The following GPALPP1 variants were observed in gnomAD, a reference collection of about 807,000 sequenced individuals.
GPALPP1 encodes GPALPP motifs-containing protein 1.
A neutral mutation model predicts 38.9 loss-of-function variants in GPALPP1; 30 were observed. The ratio of observed to expected loss-of-function variants is 0.77; its 90% CI spans 0.58 to 1.05. The LOEUF (loss-of-function observed/expected upper bound fraction) is 1.05. Among genes scored for constraint, GPALPP1 ranks in the 50% least tolerant of loss-of-function variants. The pLI, the probability that GPALPP1 is intolerant of heterozygous loss-of-function variation, is 0.00. For synonymous variants in GPALPP1, 120 were observed against 139.2 expected, an observed-to-expected ratio of 0.86 and a Z score of 0.97; for missense variants, 384 against 408.8, an observed-to-expected ratio of 0.94 and a Z score of 0.52.
At chr13:45,020,492 T>C (rs1302011973) in intron 7 of GPALPP1, 64 bp downstream of exon 7, 3 of 741,814 alleles carry the variant, frequency 4.0e-6, no homozygotes, top group African/African-American at 3.6e-5. Context: ...TCCCAGCTAC[T>C]TGGGAGGCTG....
chr13:44,992,248 A>G (rs1872856412), intron 1 of GPALPP1, among the ~76,000 whole-genome samples: 1 of 152,176 alleles, frequency 6.6e-6, no homozygotes, highest in Admixed American at 6.5e-5. Context: ...AATGAAATTG[A>G]CCACCTTTTC....
intron 6 of GPALPP1, among the ~76,000 whole-genome samples, chr13:45,019,596 C>A: frequency 6.8e-6 from 1 of 147,932 alleles, no homozygotes; most frequent in Non-Finnish European, 1.5e-5. Flanking sequence ...TGAATAAACA[C>A]AATTTTTCTT....
chr13:45,015,885 A>T (rs1353054936), intron 6 of GPALPP1, among the ~76,000 whole-genome samples: 1 of 152,154 alleles, frequency 6.6e-6, no homozygotes, highest in African/African-American at 2.4e-5. Context: ...TATGAGGTCA[A>T]CGTTTCTAGG....
At chr13:44,995,394 T>C (rs1331469184) in intron 1 of GPALPP1, among the ~76,000 whole-genome samples, 1 of 152,022 alleles carries the variant, frequency 6.6e-6, no homozygotes, top group Admixed American at 6.5e-5. Flanking sequence ...TTCCCACCCA[T>C]GGGGTGAAGG....
chr13:45,019,101 A>ATATGTATATATTTATATT (rs1246248311), intron 6 of GPALPP1, among the ~76,000 whole-genome samples: 1 of 133,272 alleles, frequency 7.5e-6, no homozygotes, highest in Non-Finnish European at 1.5e-5. Flanking sequence ...ATATATATTT[A>ATATGTATATATTTATATT]TATATATTTA....
rs1333690492 is a variant in GPALPP1, at chr13:45,025,703, A to T, written c.805-2082A>T. On this transcript the variant is annotated intron_variant, in intron 7 of 7. Coordinates refer to ENST00000379151, the MANE Select transcript of GPALPP1 (RefSeq NM_018559.5). ...CAGTGTTGAAAGCAGCAGGACCATC[A>T]TTGCAATGCAGATTTTTCTGAATTT... 2.0e-5 allele frequency among the ~76,000 whole-genome samples: 3 copies of T among 152,008 alleles called. No individual in the cohort carries two copies. In the East Asian group the frequency reaches 5.8e-4, roughly 29 times the overall value.
chr13:44,989,645 G>A lies in GPALPP1; in HGVS notation c.-10G>A. ...AGACTCATATCTGTGACCAGTGTCC[G>A]CCACCGCGGATGGCAAGAGACCTGA... On this transcript the variant is annotated 5_prime_UTR_variant, in exon 1 of 8. Coordinates refer to ENST00000379151, the MANE Select transcript of GPALPP1 (RefSeq NM_018559.5). 6.2e-7 allele frequency: 1 copy of A among 1,609,736 alleles called. No homozygotes were observed. Among genetic ancestry groups the A allele is most frequent in the Non-Finnish European group, 8.5e-7 (1 of 1,176,968 alleles).
In GPALPP1 at chr13:45,028,216, G is replaced by T; in HGVS notation, c.*213G>T. On this transcript the variant is annotated 3_prime_UTR_variant, in exon 8 of 8. Coordinates refer to ENST00000379151, the MANE Select transcript of GPALPP1 (RefSeq NM_018559.5). ...AAAAATCCCTCATAATAACCTAATAGGGCATTGCTATTAAAAATGCTAAAA... is the reference window on the plus strand; with the variant it reads ...AAAAATCCCTCATAATAACCTAATATGGCATTGCTATTAAAAATGCTAAAA... 3.6e-6 allele frequency: 1 copy of T among 279,878 alleles called. No individual in the cohort carries two copies. 17.3% of individuals were successfully genotyped at this position (279,878 alleles called of 1,614,324 possible). A position where few individuals can be genotyped will look rare whatever the true frequency, so the allele number is the denominator to read the frequency against.
intron 1 of GPALPP1, among the ~76,000 whole-genome samples, chr13:44,992,954 C>T (rs898114651): frequency 6.6e-6 from 1 of 152,148 alleles, no homozygotes; most frequent in South Asian, 2.1e-4. Context: ...CCCCATTCTC[C>T]CCTCTGACCC....
At chr13:44,989,889 A>C in intron 1 of GPALPP1, 147 bp downstream of exon 1, 2 of 616,572 alleles carry the variant, frequency 3.2e-6, no homozygotes, top group Non-Finnish European at 5.7e-6. Context: ...CTCTTCCCAA[A>C]CAGTAGCAGG....
In GPALPP1 at chr13:45,028,654, GC is replaced by G. The variant is rs1876012039; in HGVS notation, c.*652del. 6.6e-6 allele frequency: 1 copy of G among 152,388 alleles called. No homozygotes were observed. Among genetic ancestry groups the G allele is most frequent in the Non-Finnish European group, 1.5e-5 (1 of 68,282 alleles). 9.4% of individuals were successfully genotyped at this position (152,388 alleles called of 1,614,324 possible). A position where few individuals can be genotyped will look rare whatever the true frequency, so the allele number is the denominator to read the frequency against. ...ACCTATAGTCCCAGCTACTCAGCAG[GC>G]TGAGGTGGGAGGATCCCTTGAGCCC... On this transcript the variant is annotated 3_prime_UTR_variant, in exon 8 of 8. Coordinates refer to ENST00000379151, the MANE Select transcript of GPALPP1 (RefSeq NM_018559.5).
chr13:45,017,169 A>G (rs1466470858), intron 6 of GPALPP1, among the ~76,000 whole-genome samples: 1 of 152,250 alleles, frequency 6.6e-6, no homozygotes, highest in African/African-American at 2.4e-5. Flanking sequence ...TTCAGGTGAT[A>G]GAAAGAGTCA....
chr13:45,008,252 G>A (rs1490224720), intron 3 of GPALPP1, among the ~76,000 whole-genome samples: 1 of 152,138 alleles, frequency 6.6e-6, no homozygotes, highest in Non-Finnish European at 1.5e-5. Flanking sequence ...CATTACTGAG[G>A]ACAATGTATA....
intron 3 of GPALPP1, among the ~76,000 whole-genome samples, chr13:45,007,368 C>T (rs1304171504): frequency 6.6e-6 from 1 of 151,932 alleles, no homozygotes; most frequent in Non-Finnish European, 1.5e-5. Context: ...GAGTTAGAAA[C>T]CTTTTATAGT....
intron 6 of GPALPP1, among the ~76,000 whole-genome samples, chr13:45,016,711 G>T (rs1874900345): frequency 6.6e-6 from 1 of 152,162 alleles, no homozygotes; most frequent in African/African-American, 2.4e-5. Context: ...TGCAATCACA[G>T]CTCACTGCAG....
chr13:44,989,638 A>C lies in GPALPP1; in HGVS notation c.-17A>C. The stretch of plus-strand genomic sequence containing the variant: ...CGTGGATAGACTCATATCTGTGACC[A>C]GTGTCCGCCACCGCGGATGGCAAGA... On this transcript the variant is annotated 5_prime_UTR_variant, in exon 1 of 8. Transcript: ENST00000379151. The C allele has an allele frequency of 6.2e-7, 1 of 1,605,102 alleles. No individual in the cohort carries two copies. The highest frequency in any genetic ancestry group is 8.5e-7 in the Non-Finnish European group (1 of 1,172,698).
chr13:45,031,163 A>C (rs1331850100), downstream of GPALPP1: 2 of 152,200 alleles, frequency 1.3e-5, no homozygotes, highest in Non-Finnish European at 2.9e-5. Flanking sequence ...TCTCTAAATA[A>C]ATAAGTAAAT....
chr13:44,989,645 G>GC lies in GPALPP1; in HGVS notation c.-8dup, dbSNP rs780984092. The GC allele has an allele frequency of 1.2e-6, 2 of 1,609,620 alleles. No homozygotes were observed. The highest frequency in any genetic ancestry group is 1.7e-6 in the Non-Finnish European group (2 of 1,176,978). On this transcript the variant is annotated 5_prime_UTR_variant, in exon 1 of 8. Coordinates refer to ENST00000379151, the MANE Select transcript of GPALPP1 (RefSeq NM_018559.5). ...AGACTCATATCTGTGACCAGTGTCC[G>GC]CCACCGCGGATGGCAAGAGACCTGA... is the stretch of plus-strand genomic sequence containing the variant.
At chr13:45,016,480 G>A (rs1479063460) in intron 6 of GPALPP1, among the ~76,000 whole-genome samples, 2 of 151,926 alleles carry the variant, frequency 1.3e-5, no homozygotes, top group Non-Finnish European at 2.9e-5. Flanking sequence ...ACAAAAATCT[G>A]TATGCATAAA....
Sources: allele counts gnomAD v4.1 joint callset (sites outside exome capture counted in the v4.1 genomes callset), GRCh38; gene constraint gnomAD v4.1.1; transcripts MANE v1.5; gene names NCBI Gene and HGNC (gene_info 2026-07-23, HGNC 2026-07-21).